MYO1B: variants seen among roughly 807,000 people sequenced by gnomAD.
MYO1B encodes myosin IB.
MYO1B carries 72 observed loss-of-function variants against 159.7 expected under a neutral mutation model. That is an observed-to-expected ratio of 0.45 (90% CI 0.37 to 0.55). The LOEUF is 0.55. Among genes scored for constraint, MYO1B ranks in the 20% least tolerant of loss-of-function variants. MYO1B has a pLI of 0.00. For synonymous variants in MYO1B, 468 were observed against 473.8 expected (o/e 0.99, Z 0.16); for missense variants, 1,062 against 1,364.8 (o/e 0.78, Z 3.50).
chr2:191,257,167 GTAAA>G (rs1241543242), intron 1 of MYO1B, among the ~76,000 whole-genome samples: 3 of 152,044 alleles, frequency 2.0e-5, no homozygotes, highest in African/African-American at 7.2e-5. Context: ...GTCAAAATAA[GTAAA>G]TATAACTTTT....
intron 3 of MYO1B, among the ~76,000 whole-genome samples, chr2:191,296,518 A>G (rs185913875): frequency 3.9e-5 from 6 of 152,346 alleles, no homozygotes; most frequent in Non-Finnish European, 7.3e-5. Flanking sequence ...CAAATAAAAC[A>G]GGAATGTGCA....
chr2:191,380,062 G>A (rs2126067750), intron 13 of MYO1B, among the ~76,000 whole-genome samples: 1 of 152,302 alleles, frequency 6.6e-6, no homozygotes, highest in East Asian at 1.9e-4. Flanking sequence ...ACTAAGTTTA[G>A]CATTAACAAG....
chr2:191,353,028 T>C (rs890250852), intron 7 of MYO1B, among the ~76,000 whole-genome samples: 2 of 152,210 alleles, frequency 1.3e-5, no homozygotes, highest in African/African-American at 4.8e-5. Flanking sequence ...TTGAGCCAAT[T>C]GTGTACCCAG....
chr2:191,318,047 C>T (rs1574415628), intron 3 of MYO1B, among the ~76,000 whole-genome samples: 1 of 152,088 alleles, frequency 6.6e-6, no homozygotes, highest in African/African-American at 2.4e-5. Flanking sequence ...TTGCACTGTG[C>T]TAGGCACTAG....
chr2:191,285,206 A>G (rs1457987285), intron 2 of MYO1B, among the ~76,000 whole-genome samples: 1 of 152,340 alleles, frequency 6.6e-6, no homozygotes, highest in East Asian at 1.9e-4. Flanking sequence ...TTGTCTCGTG[A>G]CACAGTTTGT....
At chr2:191,364,704 A>C (rs2126020920) in intron 11 of MYO1B, among the ~76,000 whole-genome samples, 1 of 152,294 alleles carries the variant, frequency 6.6e-6, no homozygotes, top group East Asian at 1.9e-4. Context: ...GTCAGGGAAA[A>C]AGGAGTGAAA....
intron 7 of MYO1B, among the ~76,000 whole-genome samples, chr2:191,359,453 G>A (rs895980896): frequency 4.0e-5 from 6 of 151,470 alleles, no homozygotes; most frequent in African/African-American, 4.9e-5. Context: ...AATAATTTTT[G>A]TACTTACATA....
intron 14 of MYO1B, among the ~76,000 whole-genome samples, chr2:191,381,953 A>G (rs1233782984): frequency 6.6e-6 from 1 of 152,250 alleles, no homozygotes; most frequent in Non-Finnish European, 1.5e-5. Flanking sequence ...ATTCAAATTT[A>G]TAGTAAAAAT....
chr2:191,409,798 G>A (rs191289344), intron 26 of MYO1B, among the ~76,000 whole-genome samples: 2 of 152,154 alleles, frequency 1.3e-5, no homozygotes, highest in Non-Finnish European at 2.9e-5. Flanking sequence ...CATGGAACAC[G>A]TGGGGCACTT....
intron 3 of MYO1B, among the ~76,000 whole-genome samples, chr2:191,322,719 C>G (rs914602103): frequency 5.1e-4 from 77 of 152,200 alleles, no homozygotes; most frequent in African/African-American, 1.8e-3. Flanking sequence ...ATGAGCTTTG[C>G]TTATTTATTC....
At chr2:191,381,068 G>C (rs978044441) in intron 13 of MYO1B, 3 of 329,234 alleles carry the variant, frequency 9.1e-6, no homozygotes, top group Non-Finnish European at 1.8e-5. Flanking sequence ...CAGTTCAGGG[G>C]GACTTCCTTG....
Position 191,308,586 on chromosome 2 carries a change from G to A in MYO1B, c.251+12360G>A, listed in dbSNP as rs369845791. On this transcript the variant is annotated intron_variant, in intron 3 of 30. Transcript: ENST00000392318. ...TCTTCCATTCCCACCAACATAACAT[G>A]CTGCAATGTTTCTCTTGATTTCACA... Among the ~76,000 whole-genome samples, 5 of 151,964 alleles carry A rather than the reference G, an allele frequency of 3.3e-5. No individual in the cohort carries two copies. In the South Asian group the frequency reaches 6.2e-4, roughly 19 times the overall value.
chr2:191,290,816 G>C (rs1688646861), intron 2 of MYO1B, among the ~76,000 whole-genome samples: 3 of 152,178 alleles, frequency 2.0e-5, no homozygotes, highest in African/African-American at 7.2e-5. Context: ...AGTGAGGCTA[G>C]AAGGACTTTT....
intron 29 of MYO1B, among the ~76,000 whole-genome samples, chr2:191,415,635 C>G (rs1383785686): frequency 6.6e-6 from 1 of 151,698 alleles, no homozygotes; most frequent in Non-Finnish European, 1.5e-5. Context: ...AGATGATTCC[C>G]TTGCACAGCT....
In MYO1B at chr2:191,341,504, A is replaced by G. The variant is rs1574467105; in HGVS notation, c.390A>G (p.Gly130=). Residue 130 remains glycine, a synonymous_variant, in exon 5 of 31, where the codon GGA becomes GGG. Coordinates refer to ENST00000392318, the MANE Select transcript of MYO1B (RefSeq NM_001130158.3). ...TGTCCTATGTGGCAGCTGTTTGTGG[A>G]AAAGGAGCAGAAGTTAATCAAGTTA... ...LVMSYVAAVC[G]KGAEVNQVKE... The G allele has an allele frequency of 6.2e-7, 1 of 1,613,866 alleles. No individual in the cohort carries two copies. The highest frequency in any genetic ancestry group is 8.5e-7 in the Non-Finnish European group (1 of 1,179,894).
intron 29 of MYO1B, 80 bp from the exon 30 acceptor site, chr2:191,416,035 G>C: frequency 2.1e-6 from 3 of 1,425,964 alleles, no homozygotes; most frequent in Non-Finnish European, 2.9e-6. Context: ...GAGACTGTAA[G>C]TATGTTTTTA....
chr2:191,329,876 T>G, intron 3 of MYO1B, 59 bp from the exon 4 acceptor site: 3 of 1,448,560 alleles, frequency 2.1e-6, no homozygotes, highest in Non-Finnish European at 2.8e-6. Flanking sequence ...TAGTTCCATC[T>G]GATAAACACA....
At chr2:191,252,387 C>G (rs867338093) in intron 1 of MYO1B, among the ~76,000 whole-genome samples, 1 of 152,166 alleles carries the variant, frequency 6.6e-6, no homozygotes, top group Admixed American at 6.5e-5. Flanking sequence ...GAGTTAGACT[C>G]CTGATGTCAG....
rs748786968 is a variant in MYO1B at position 191,423,966 on chromosome 2, G to C, written c.*6G>C. 1 of 1,611,500 alleles carries C rather than the reference G, an allele frequency of 6.2e-7. No homozygotes were observed. Among genetic ancestry groups the C allele is most frequent in the African/African-American group, 1.3e-5 (1 of 74,774 alleles). ...TTGAAGTTGCTGTCCCTTAACTGGC[G>C]CCTCCTCTCTACTTTCATGGACTTG... On this transcript the variant is annotated 3_prime_UTR_variant, in exon 31 of 31. Transcript: ENST00000392318.
Sources: gnomAD v4.1 joint callset for allele counts (sites outside exome capture counted in the v4.1 genomes callset) on GRCh38, gnomAD v4.1.1 for gene constraint, MANE v1.5 for transcripts, NCBI Gene and HGNC (gene_info 2026-07-23, HGNC 2026-07-21) for gene names.